The following SNED1 variants were observed in gnomAD, a reference collection of about 807,000 sequenced individuals.
The protein encoded by SNED1 is sushi, nidogen and EGF like domains 1.
A neutral mutation model predicts 166.7 loss-of-function variants in SNED1; 81 were observed. The observed-to-expected ratio is 0.49, with a 90% CI of 0.41 to 0.58. SNED1 has a LOEUF of 0.58. SNED1 is among the 20% of genes least tolerant of loss of function. The probability of loss-of-function intolerance (pLI) is 0.00; values close to 1 mark genes in which losing one functional copy is unlikely to be tolerated. For synonymous variants in SNED1, 762 were observed against 822.0 expected (o/e 0.93, Z 1.25); for missense variants, 1,604 against 2,000.2 (o/e 0.80, Z 3.78).
At chr2:241,001,443 A>G (rs954380939) in intron 1 of SNED1, among the ~76,000 whole-genome samples, 2 of 152,230 alleles carry the variant, frequency 1.3e-5, no homozygotes, top group African/African-American at 2.4e-5. Flanking sequence ...TTCTCATGTC[A>G]TAGTAGCTGT....
At chr2:241,005,050 A>G (rs1373269407) in intron 1 of SNED1, among the ~76,000 whole-genome samples, 1 of 151,746 alleles carries the variant, frequency 6.6e-6, no homozygotes, top group Non-Finnish European at 1.5e-5. Flanking sequence ...ACAGTCAATT[A>G]TCATTTAAAG....
intron 21 of SNED1, 120 bp downstream of exon 21, chr2:241,065,715 G>A: frequency 1.1e-6 from 1 of 875,616 alleles, no homozygotes; most frequent in Non-Finnish European, 1.7e-6. Flanking sequence ...GCAGCAGCAA[G>A]ACAGACAGCT....
intron 30 of SNED1, chr2:241,088,041 G>A (rs549585519): frequency 4.7e-4 from 197 of 419,780 alleles, no homozygotes; most frequent in Middle Eastern, 6.1e-4. Context: ...CTCACCAGCC[G>A]TGCTGCTCGG....
chr2:241,089,637 C>A (rs1194269354), intron 31 of SNED1, among the ~76,000 whole-genome samples: 1 of 152,224 alleles, frequency 6.6e-6, no homozygotes, highest in African/African-American at 2.4e-5. Flanking sequence ...GGAATCACTT[C>A]CCGCTCCCAC....
rs372493758 is a variant in SNED1 at position 241,070,658 on chromosome 2, C to T, written c.3589+457C>T. On this transcript the variant is annotated intron_variant, in intron 24 of 31. Transcript: ENST00000310397. ...AATGCTGGGGAGCAGAGGCACAGGG[C>T]AGAAGCCGCTCGGAGTGGGGACAGA... 5.3e-5 allele frequency among the ~76,000 whole-genome samples: 8 copies of T among 152,226 alleles called. No individual in the cohort carries two copies. The East Asian group carries it at 5.8e-4, about 11-fold the overall frequency.
chr2:241,067,801 GACGGCTAGCACCATCTCAGTGCA>G lies in SNED1; in HGVS notation c.3049_3071del (p.Thr1017ValfsTer22), dbSNP rs765242172. 1 of 1,612,210 alleles carries G rather than the reference GACGGCTAGCACCATCTCAGTGCA, an allele frequency of 6.2e-7. No individual in the cohort carries two copies. On this transcript the variant is annotated frameshift_variant, in exon 22 of 32. Coordinates refer to ENST00000310397, the MANE Select transcript of SNED1 (RefSeq NM_001080437.3). LOFTEE classifies it high-confidence loss of function. ...TGGAAGGCTTCGAGGTCACCAATGT[GACGGCTAGCACCATCTCAGTGCA>G]GTGGGCCCTGCACAGGATCCGCCAT...
At position 241,071,816 on chromosome 2, in the gene SNED1, G is replaced by A. The variant is rs2062736442; in HGVS notation, c.3755G>A (p.Gly1252Asp). 6 of 1,601,426 alleles carry A rather than the reference G, an allele frequency of 3.7e-6. No individual in the cohort carries two copies. Among genetic ancestry groups the A allele is most frequent in the Non-Finnish European group, 5.1e-6 (6 of 1,174,370 alleles). The stretch of plus-strand genomic sequence containing the variant: ...TGCAGGTTCTCGGAGCTTGTGGACG[G>A]CAGAGGAAGAGTGAGCGCCAGGTTC... ...QPPRFSELVDGRGRVSARFGG... is the reference protein window; with the variant it reads ...QPPRFSELVDDRGRVSARFGG... The change falls in exon 26 of 32, where the codon GGC (glycine) becomes GAC (aspartate). Residue 1252 changes from glycine (G) to aspartate (D), a missense_variant. Gly to Asp is a moderately conservative substitution (Grantham distance 94). Around this residue, in one of 2 missense-constraint regions of SNED1, gnomAD observed 367 missense variants for 379.4 expected, o/e 0.97. Coordinates refer to ENST00000310397, the MANE Select transcript of SNED1 (RefSeq NM_001080437.3).
chr2:241,023,460 A>C (rs987431955), intron 1 of SNED1, among the ~76,000 whole-genome samples: 2 of 149,720 alleles, frequency 1.3e-5, no homozygotes, highest in African/African-American at 2.5e-5. Flanking sequence ...TTTGTTGGCA[A>C]TTGCTTTATG....
At chr2:241,081,490 C>G (rs574864230) in intron 27 of SNED1, among the ~76,000 whole-genome samples, 187 bp from the exon 28 acceptor site, 39 of 152,330 alleles carry the variant, frequency 2.6e-4, no homozygotes, top group African/African-American at 8.4e-4. Flanking sequence ...CACCTCTGCT[C>G]TCTCTCAACA....
chr2:241,084,716 C>T (rs2063498902), intron 29 of SNED1, among the ~76,000 whole-genome samples: 1 of 152,186 alleles, frequency 6.6e-6, no homozygotes. Context: ...CCGACTCCAG[C>T]ACTCTTCATT....
intron 1 of SNED1, among the ~76,000 whole-genome samples, chr2:241,005,270 C>T (rs1413684003): frequency 6.6e-6 from 1 of 152,104 alleles, no homozygotes; most frequent in Non-Finnish European, 1.5e-5. Context: ...GTGGCATGAT[C>T]TCAGCTCACT....
At chr2:241,002,256 A>C (rs1432887806) in intron 1 of SNED1, among the ~76,000 whole-genome samples, 1 of 152,056 alleles carries the variant, frequency 6.6e-6, no homozygotes, top group Non-Finnish European at 1.5e-5. Context: ...CCTGACCCAC[A>C]GGGACTGTCT....
chr2:241,057,518 AC>A (rs1335484334), intron 16 of SNED1, among the ~76,000 whole-genome samples: 1 of 150,888 alleles, frequency 6.6e-6, no homozygotes, highest in Admixed American at 6.6e-5. Context: ...CCCCAACTCT[AC>A]AAAAAACTTT....
intron 1 of SNED1, among the ~76,000 whole-genome samples, chr2:241,000,167 C>G (rs2060035114): frequency 6.6e-6 from 1 of 152,216 alleles, no homozygotes; most frequent in Non-Finnish European, 1.5e-5. Context: ...TCGTCACCAT[C>G]CACATCCTCT....
At chr2:241,055,964 T>C (rs939064509) in intron 16 of SNED1, among the ~76,000 whole-genome samples, 1 of 152,252 alleles carries the variant, frequency 6.6e-6, no homozygotes, top group Non-Finnish European at 1.5e-5. Context: ...CGCTACCTAG[T>C]AGAGAATACA....
At chr2:241,088,586 A>G (rs2063705563) in intron 31 of SNED1, 184 bp downstream of exon 31, 1 of 601,940 alleles carries the variant, frequency 1.7e-6, no homozygotes, top group Non-Finnish European at 2.9e-6. Flanking sequence ...AAGGGGAAAC[A>G]GACATGAACC....
In SNED1 at chr2:241,094,645, GC is replaced by G. The variant is rs1163878150; in HGVS notation, c.*3011del. On this transcript the variant is annotated 3_prime_UTR_variant, in exon 32 of 32. Transcript: ENST00000310397. This position sits in a 1 kb window ranked among gnomAD's most constrained non-coding sequence, Gnocchi z 4.3. Reference sequence around the variant, plus strand: ...CAGTCACATTACTGTTGTGGACCAGGCCTTAGATGAGTTTCTCAGGCTCAGC... The same window carrying G: ...CAGTCACATTACTGTTGTGGACCAGGCTTAGATGAGTTTCTCAGGCTCAGC... The G allele has an allele frequency of 3.0e-6, 1 of 329,890 alleles. No individual in the cohort carries two copies. Among genetic ancestry groups the G allele is most frequent in the Non-Finnish European group, 5.9e-6 (1 of 168,644 alleles). 20.4% of individuals were successfully genotyped at this position (329,890 alleles called of 1,614,324 possible).
chr2:241,088,264 C>A, intron 30 of SNED1, 101 bp from the exon 31 acceptor site: 2 of 833,402 alleles, frequency 2.4e-6, no homozygotes, highest in Non-Finnish European at 4.2e-6. Flanking sequence ...TGTATGTGAG[C>A]TAAAGACAGG....
intron 1 of SNED1, among the ~76,000 whole-genome samples, chr2:241,019,820 C>T (rs1387839691): frequency 6.6e-6 from 1 of 152,194 alleles, no homozygotes; most frequent in Non-Finnish European, 1.5e-5. Flanking sequence ...CTGTGGTCTT[C>T]CAAGTGGCAG....
Sources: allele counts gnomAD v4.1 joint callset (sites outside exome capture counted in the v4.1 genomes callset), GRCh38; gene constraint gnomAD v4.1.1; regional missense constraint gnomAD v4.1.1; non-coding constraint Gnocchi (gnomAD v3.1); transcripts MANE v1.5; gene names NCBI Gene and HGNC (gene_info 2026-07-23, HGNC 2026-07-21).